The following TECTB variants were observed in gnomAD, a reference collection of about 807,000 sequenced individuals.
TECTB encodes beta-tectorin.
Under a neutral mutation model 43.3 loss-of-function variants are expected in TECTB, and 45 were observed. The ratio of observed to expected loss-of-function variants is 1.04; its 90% CI spans 0.82 to 1.33. The LOEUF (loss-of-function observed/expected upper bound fraction) is 1.33, where lower values mean the gene tolerates loss of function less well. TECTB is among the 40% of genes most tolerant of loss of function. The pLI is 0.00. For synonymous variants in TECTB, 169 were observed against 156.7 expected, an observed-to-expected ratio of 1.08 and a Z score of -0.59; for missense variants, 399 against 404.7, an observed-to-expected ratio of 0.99 and a Z score of 0.12.
intron 5 of TECTB, among the ~76,000 whole-genome samples, chr10:112,286,605 G>A (rs1398230802): frequency 6.6e-6 from 1 of 151,732 alleles, no homozygotes; most frequent in African/African-American, 2.4e-5. Context: ...AGAGCTGAAA[G>A]GTATAAGATA....
chr10:112,292,434 GGTTTTTT>G (rs1292810165), intron 5 of TECTB, among the ~76,000 whole-genome samples: 1 of 151,902 alleles, frequency 6.6e-6, no homozygotes, highest in Admixed American at 6.6e-5. Context: ...TAGTTTTTGA[GGTTTTTT>G]GTTTTTTGTT....
intron 2 of TECTB, among the ~76,000 whole-genome samples, chr10:112,284,261 T>C (rs1848436387): frequency 6.6e-6 from 1 of 152,190 alleles, no homozygotes; most frequent in African/African-American, 2.4e-5. Flanking sequence ...CTACCTGTGG[T>C]TTCACAGATA....
At chr10:112,284,746 G>C (rs1373752012) in intron 3 of TECTB, 21 bp downstream of exon 3, 1 of 1,498,278 alleles carries the variant, frequency 6.7e-7, no homozygotes, top group East Asian at 2.4e-5. Flanking sequence ...GCCACACAGT[G>C]CAGAGTTGTT....
At chr10:112,284,327 TTAAA>T (rs1227233111) in intron 2 of TECTB, among the ~76,000 whole-genome samples, 31 of 152,160 alleles carry the variant, frequency 2.0e-4, no homozygotes, top group Non-Finnish European at 7.4e-5. Context: ...GGTGCAGTCA[TTAAA>T]TAAATGCAGC....
rs772186850 is a variant in TECTB, at chr10:112,284,570, A to G, written c.112A>G (p.Ile38Val). 3.7e-6 allele frequency: 6 copies of G among 1,611,994 alleles called. No homozygotes were observed. The highest frequency in any genetic ancestry group is 5.1e-6 in the Non-Finnish European group (6 of 1,178,962). The stretch of plus-strand genomic sequence containing the variant: ...TGTGTTTTGCTATCCCAAAACCATC[A>G]TCACCAAAATCCCCGAGTGTCCCTA... The part of the protein sequence containing the change: ...ILVFCYPKTI[I>V]TKIPECPYGW... The change falls in exon 3 of 11, where the codon ATC becomes GTC. Residue 38 changes from isoleucine (I) to valine (V), a missense_variant. Physicochemically the swap from Ile to Val is conservative, Grantham distance 29. Transcript: ENST00000646139.
intron 9 of TECTB, 49 bp from the exon 10 acceptor site, chr10:112,302,052 T>C (rs1390219304): frequency 6.2e-7 from 1 of 1,606,032 alleles, no homozygotes; most frequent in Non-Finnish European, 8.5e-7. Context: ...ACTTCTCCTT[T>C]CCATGATCTT....
At chr10:112,301,762 T>G (rs78608861) in intron 9 of TECTB, among the ~76,000 whole-genome samples, 2 of 152,160 alleles carry the variant, frequency 1.3e-5, no homozygotes, top group African/African-American at 4.8e-5. Context: ...TTTATTTTTT[T>G]GAGACCGTGT....
intron 10 of TECTB, chr10:112,302,843 C>A (rs1054635963): frequency 5.5e-5 from 10 of 182,324 alleles, no homozygotes; most frequent in Admixed American, 2.3e-4. Flanking sequence ...AGCTAAGACC[C>A]AAGATCTCAC....
At chr10:112,300,206 GAC>G (rs1355350671) in intron 9 of TECTB, among the ~76,000 whole-genome samples, 11,122 of 108,358 alleles carry the variant, frequency 0.1, 761 homozygotes, top group East Asian at 0.21. Flanking sequence ...AAGAAAGAGA[GAC>G]AGACAGACAG....
In TECTB at chr10:112,286,098, A is replaced by T. The variant is rs919342181; in HGVS notation, c.295A>T (p.Ser99Cys). Residue 99 changes from serine to cysteine, a missense_variant, in exon 4 of 11, where the codon AGT becomes TGT. By Grantham distance (112) the Ser-to-Cys change is moderately radical (BLOSUM62 -1). Coordinates refer to ENST00000646139, the MANE Select transcript of TECTB (RefSeq NM_058222.3). ...CAAGCCACCTATCTATCACTTCTACAGTCACATCGTTTCCAATGACACCAC... is the reference window on the plus strand; with the variant it reads ...CAAGCCACCTATCTATCACTTCTACTGTCACATCGTTTCCAATGACACCAC... ...EYKPPIYHFY[S>C]HIVSNDTTVI... The T allele has an allele frequency of 3.1e-6, 5 of 1,614,008 alleles. No individual in the cohort carries two copies. The African/African-American group carries it at 6.7e-5, about 22-fold the overall frequency.
At chr10:112,296,105 T>C (rs1254990617) in intron 7 of TECTB, among the ~76,000 whole-genome samples, 2 of 151,854 alleles carry the variant, frequency 1.3e-5, no homozygotes, top group African/African-American at 4.8e-5. Context: ...AAGGGGAGAA[T>C]GGAAAAGTCC....
At chr10:112,287,072 C>A (rs1848461244) in intron 5 of TECTB, among the ~76,000 whole-genome samples, 1 of 152,220 alleles carries the variant, frequency 6.6e-6, no homozygotes, top group South Asian at 2.1e-4. Flanking sequence ...TTCACTACAA[C>A]CCCCTCCAGA....
In TECTB at chr10:112,294,041, GT is replaced by G. The variant is rs1170328528; in HGVS notation, c.652del (p.Trp218GlyfsTer3). On this transcript the variant is annotated frameshift_variant, in exon 7 of 11. Transcript: ENST00000646139. LOFTEE classifies it high-confidence loss of function. Reference protein sequence around the residue: ...PSADFMYPLQWQLINKGCPTD... With the variant: ...PSADFMYPLQXQLINKGCPTD... ...CGGCTGACTTCATGTATCCCTTGCA[GT>G]GGCAGCTGATCAACAAGGGGTAGGT... 11 of 1,614,046 alleles carry G rather than the reference GT, an allele frequency of 6.8e-6. No homozygotes were observed. Among genetic ancestry groups the G allele is most frequent in the Non-Finnish European group, 7.6e-6 (9 of 1,180,024 alleles).
At chr10:112,296,753 G>A (rs2133354816) in intron 7 of TECTB, among the ~76,000 whole-genome samples, 1 of 152,140 alleles carries the variant, frequency 6.6e-6, no homozygotes, top group South Asian at 2.1e-4. Context: ...TTGGCCCCCC[G>A]TTGTCTGTTT....
rs1012705590 is a variant in TECTB at position 112,299,516 on chromosome 10, C to T, written c.859C>T (p.Leu287=). 1 of 1,614,256 alleles carries T rather than the reference C, an allele frequency of 6.2e-7. No homozygotes were observed. Among genetic ancestry groups the T allele is most frequent in the African/African-American group, 1.3e-5 (1 of 75,074 alleles). Residue 287 remains leucine, a synonymous_variant, in exon 9 of 11, where the codon CTG becomes TTG. Transcript: ENST00000646139. ...GACCTGCGATAAACGGAAGCGCCTC[C>T]TGCGAGACCAGACCGGGGGAGTCCT... ...PVTCDKRKRL[L]RDQTGGVLVV...
intron 5 of TECTB, among the ~76,000 whole-genome samples, chr10:112,291,650 A>G (rs1418816047): frequency 6.6e-6 from 1 of 152,248 alleles, no homozygotes; most frequent in East Asian, 1.9e-4. Context: ...TATGAAACTC[A>G]ATCTTTCAAA....
chr10:112,284,632 G>A lies in TECTB; in HGVS notation c.174G>A (p.Leu58=). The A allele has an allele frequency of 6.2e-7, 1 of 1,613,816 alleles. No homozygotes were observed. The highest frequency in any genetic ancestry group is 8.5e-7 in the Non-Finnish European group (1 of 1,179,854). Residue 58 remains leucine, a synonymous_variant, in exon 3 of 11, where the codon CTG becomes CTA. Transcript: ENST00000646139. Reference sequence around the variant, plus strand: ...TTCATCAGCTGGCCCTCGGAGGGCTGTGTTACAATGGGGTCCACGAAGGAG... The same window carrying A: ...TTCATCAGCTGGCCCTCGGAGGGCTATGTTACAATGGGGTCCACGAAGGAG... ...WEVHQLALGG[L]CYNGVHEGGY... is the part of the protein sequence containing the mutation.
At chr10:112,300,271 AAAG>A (rs1381316060) in intron 9 of TECTB, among the ~76,000 whole-genome samples, 828 of 27,750 alleles carry the variant, frequency 0.03, 5 homozygotes, top group East Asian at 0.065. Flanking sequence ...AGAAAGAAAG[AAAG>A]AAAGAAAAGA....
chr10:112,304,926 C>T lies in TECTB; in HGVS notation c.*1614C>T, dbSNP rs1049626736. The T allele has an allele frequency of 2.6e-5, 4 of 152,148 alleles. No homozygotes were observed. The highest frequency in any genetic ancestry group is 9.7e-5 in the African/African-American group (4 of 41,444). The allele number at this position is 152,148 out of a possible 1,614,324, so 9.4% of individuals were successfully genotyped here. Reference sequence around the variant, plus strand: ...CTCATAGCCATGTTCAAATCCTTTGCTGTCAGAATAAACCAATGTTGTATT... The same window carrying T: ...CTCATAGCCATGTTCAAATCCTTTGTTGTCAGAATAAACCAATGTTGTATT... On this transcript the variant is annotated 3_prime_UTR_variant, in exon 11 of 11. Transcript: ENST00000646139.
Sources: gnomAD v4.1 joint callset for allele counts (sites outside exome capture counted in the v4.1 genomes callset) on GRCh38, gnomAD v4.1.1 for gene constraint, MANE v1.5 for transcripts, NCBI Gene and HGNC (gene_info 2026-07-23, HGNC 2026-07-21) for gene names.